Variants in RPS6KA2 observed in about 807,000 individuals in gnomAD.
The protein encoded by RPS6KA2 is ribosomal protein S6 kinase alpha-2.
RPS6KA2 carries 42 observed loss-of-function variants against 91.8 expected under a neutral mutation model. That is an observed-to-expected ratio of 0.46 (90% CI 0.36 to 0.59). The LOEUF (loss-of-function observed/expected upper bound fraction) is 0.59, where lower values mean the gene tolerates loss of function less well. Among genes scored for constraint, RPS6KA2 ranks in the 20% least tolerant of loss-of-function variants. The pLI is 0.00. For missense variants in RPS6KA2, 798 were observed against 978.5 expected (o/e 0.82, Z 2.46); for synonymous variants, 414 against 393.6 (o/e 1.05, Z -0.61).
intron 1 of RPS6KA2, among the ~76,000 whole-genome samples, chr6:166,590,452 C>T (rs564524498): frequency 6.6e-6 from 1 of 152,294 alleles, no homozygotes. Flanking sequence ...AAAGATGGAG[C>T]CTGGCGAGGA....
chr6:166,541,323 T>A (rs1039402481), intron 1 of RPS6KA2, among the ~76,000 whole-genome samples: 4 of 152,384 alleles, frequency 2.6e-5, no homozygotes, highest in Admixed American at 2.0e-4. Flanking sequence ...CACCCTTTCC[T>A]GGGGCACGTT....
intron 2 of RPS6KA2, among the ~76,000 whole-genome samples, chr6:166,719,381 C>T (rs544367974): frequency 6.6e-6 from 1 of 152,180 alleles, no homozygotes; most frequent in East Asian, 1.9e-4. Flanking sequence ...TTTTTTCCAA[C>T]TGTTAAAATA....
chr6:166,532,747 G>A (rs1783328816), intron 2 of RPS6KA2, among the ~76,000 whole-genome samples: 1 of 152,184 alleles, frequency 6.6e-6, no homozygotes, highest in Admixed American at 6.5e-5. Context: ...CAATTAGAAA[G>A]AGGCTTCCCT....
chr6:166,465,137 G>A (rs923229964), intron 11 of RPS6KA2, among the ~76,000 whole-genome samples: 3 of 150,954 alleles, frequency 2.0e-5, no homozygotes. Context: ...CAGAAATCTA[G>A]TGGTTAGGAA....
intron 2 of RPS6KA2, among the ~76,000 whole-genome samples, chr6:166,638,054 A>G (rs1321149324): frequency 4.6e-5 from 7 of 152,390 alleles, no homozygotes; most frequent in South Asian, 2.1e-4. Flanking sequence ...GCCTCGGTTC[A>G]CCGCCTGTGT....
At chr6:166,820,763 T>C (rs1033421855) in intron 2 of RPS6KA2, among the ~76,000 whole-genome samples, 5 of 152,234 alleles carry the variant, frequency 3.3e-5, no homozygotes, top group African/African-American at 1.2e-4. Flanking sequence ...TTGTGCTCAT[T>C]ACATTTTAAA....
rs115558110 is a variant in RPS6KA2, at chr6:166,499,923, A to G, written c.604+964T>C. Among the ~76,000 whole-genome samples, 1,360 of 152,266 alleles carry G rather than the reference A, an allele frequency of 8.9e-3. 22 individuals are homozygous for G. Among genetic ancestry groups the G allele is most frequent in the African/African-American group, 0.03 (1,245 of 41,502 alleles). Reference sequence around the variant, plus strand: ...AGGGACTTTCAGAACAGACTAACACAGGGACTTTGCAGATGCCATTGAGGA... The same window carrying G: ...AGGGACTTTCAGAACAGACTAACACGGGGACTTTGCAGATGCCATTGAGGA... On this transcript the variant is annotated intron_variant, in intron 7 of 20. Transcript: ENST00000265678.
At chr6:166,480,364 C>T (rs1245371721) in intron 10 of RPS6KA2, among the ~76,000 whole-genome samples, 3 of 151,290 alleles carry the variant, frequency 2.0e-5, no homozygotes, top group Admixed American at 6.6e-5. Context: ...CAACAAGTGC[C>T]GAACTTTCAA....
At chr6:166,802,414 A>G (rs1051144102) in intron 2 of RPS6KA2, among the ~76,000 whole-genome samples, 1 of 152,224 alleles carries the variant, frequency 6.6e-6, no homozygotes, top group Non-Finnish European at 1.5e-5. Context: ...TACACAAAAC[A>G]TAAGATTTAA....
At chr6:166,812,148 G>C (rs1411753417) in intron 2 of RPS6KA2, among the ~76,000 whole-genome samples, 2 of 152,130 alleles carry the variant, frequency 1.3e-5, no homozygotes, top group African/African-American at 4.8e-5. Flanking sequence ...CTGAGGTCAG[G>C]AGTTCGAGAC....
intron 8 of RPS6KA2, 53 bp downstream of exon 8, chr6:166,498,455 G>T (rs1435222031): frequency 3.2e-6 from 5 of 1,551,358 alleles, no homozygotes; most frequent in East Asian, 4.6e-5. Context: ...GGGGACAGGG[G>T]TCCACGTGGG....
intron 6 of RPS6KA2, among the ~76,000 whole-genome samples, chr6:166,503,586 G>A (rs756248038): frequency 2.0e-5 from 3 of 152,144 alleles, no homozygotes; most frequent in Admixed American, 1.3e-4. Context: ...ATCTAGGGGC[G>A]GCTATGGGCC....
chr6:166,630,290 T>G (rs1040699253), upstream of RPS6KA2, among the ~76,000 whole-genome samples: 6 of 152,192 alleles, frequency 3.9e-5, no homozygotes, highest in African/African-American at 1.4e-4. Flanking sequence ...GTGGCTTGAG[T>G]GACATCCAAG....
At chr6:166,850,634 G>A (rs1157463806) in intron 2 of RPS6KA2, among the ~76,000 whole-genome samples, 1 of 152,140 alleles carries the variant, frequency 6.6e-6, no homozygotes, top group Non-Finnish European at 1.5e-5. Context: ...TGAGTTCCAC[G>A]CAGCCTCGGC....
At chr6:166,573,106 C>G (rs1050419330) in intron 1 of RPS6KA2, among the ~76,000 whole-genome samples, 2 of 152,202 alleles carry the variant, frequency 1.3e-5, no homozygotes, top group East Asian at 1.9e-4. Flanking sequence ...GGAGGGATGG[C>G]CCGGTGCAGG....
At chr6:166,683,826 T>C (rs9347148) in intron 2 of RPS6KA2, among the ~76,000 whole-genome samples, 1 of 152,036 alleles carries the variant, frequency 6.6e-6, no homozygotes. Context: ...AGCCTGGAGA[T>C]ACAGGAGAGA....
intron 2 of RPS6KA2, among the ~76,000 whole-genome samples, chr6:166,853,081 C>T (rs1780788356): frequency 6.6e-6 from 1 of 152,302 alleles, no homozygotes. Flanking sequence ...ATAAAGTTGA[C>T]CTAACAAGAA....
chr6:166,855,013 T>TA (rs200309030), intron 2 of RPS6KA2, among the ~76,000 whole-genome samples: 1,842 of 152,246 alleles, frequency 0.012, 23 homozygotes, highest in Non-Finnish European at 0.02. Flanking sequence ...TATTCAGCCA[T>TA]AAAAAAGAAT....
At chr6:166,580,971 G>A (rs1012198414) in intron 1 of RPS6KA2, among the ~76,000 whole-genome samples, 2 of 151,962 alleles carry the variant, frequency 1.3e-5, no homozygotes, top group Non-Finnish European at 2.9e-5. Context: ...GCGCAATCTC[G>A]GCTCACTGCA....
Sources: allele counts gnomAD v4.1 joint callset (sites outside exome capture counted in the v4.1 genomes callset), GRCh38; gene constraint gnomAD v4.1.1; transcripts MANE v1.5; gene names NCBI Gene and HGNC (gene_info 2026-07-23, HGNC 2026-07-21).